STK11IP: variants seen among roughly 807,000 people sequenced by gnomAD.
The protein encoded by STK11IP is serine/threonine-protein kinase 11-interacting protein.
In STK11IP, 103 loss-of-function variants were observed where a neutral mutation model predicts 131.7. That is an observed-to-expected ratio of 0.78 (90% CI 0.67 to 0.92). The LOEUF is 0.92. STK11IP is among the 40% of genes least tolerant of loss of function. The pLI, the probability that STK11IP is intolerant of heterozygous loss-of-function variation, is 0.00. For synonymous variants in STK11IP, 557 were observed against 575.6 expected (o/e 0.97, Z 0.46); for missense variants, 1,315 against 1,385.7 (o/e 0.95, Z 0.81).
chr2:219,604,932 C>T (rs561478518), intron 7 of STK11IP, among the ~76,000 whole-genome samples: 5 of 152,102 alleles, frequency 3.3e-5, no homozygotes, highest in South Asian at 2.1e-4. Context: ...CGGGTTCAAG[C>T]GATTCTCCTG....
intron 7 of STK11IP, among the ~76,000 whole-genome samples, chr2:219,605,129 C>T (rs571162536): frequency 3.0e-4 from 45 of 152,252 alleles, no homozygotes; most frequent in African/African-American, 9.6e-4. Context: ...TGCACCTGGC[C>T]GGCTGGGCAT....
chr2:219,600,778 T>A (rs1384586329), intron 2 of STK11IP, among the ~76,000 whole-genome samples: 1 of 152,252 alleles, frequency 6.6e-6, no homozygotes, highest in African/African-American at 2.4e-5. Context: ...AAGATAAAAC[T>A]TCCAATTAAC....
intron 8 of STK11IP, 71 bp from the exon 9 acceptor site, chr2:219,605,885 C>A: frequency 6.8e-7 from 1 of 1,468,224 alleles, no homozygotes; most frequent in Non-Finnish European, 9.3e-7. Context: ...CAACCTCCCC[C>A]AGTGCATGCA....
In STK11IP at chr2:219,607,161, C is replaced by A; in HGVS notation, c.1219+24C>A. On this transcript the variant is annotated intron_variant, in intron 13 of 24. Transcript: ENST00000456909. ...TGGTAAGTCAGCTTCATCCCACTAA[C>A]CTCTCTCGTCCCCAGCGAGCTCACT... The A allele has an allele frequency of 1.2e-6, 2 of 1,607,054 alleles. 1 individual carries two copies.
rs768773712 is a variant in STK11IP at position 219,611,628 on chromosome 2, G to A, written c.2129G>A (p.Cys710Tyr). The A allele has an allele frequency of 1.5e-5, 25 of 1,613,062 alleles. No individual in the cohort carries two copies. The highest frequency in any genetic ancestry group is 1.8e-5 in the Non-Finnish European group (21 of 1,179,856). Residue 710 changes from cysteine to tyrosine, a missense_variant, in exon 18 of 25, where the codon TGT becomes TAT. Transcript: ENST00000456909. ...KTESPAVCPN[C>Y]GSDHVVLLAV... ...GAATCTCCTGCTGTGTGTCCTAACT[G>A]TGGTAGTGACCACGTGGTTCTCCTC...
At position 219,608,341 on chromosome 2, in the gene STK11IP, A is replaced by G. The variant is rs1486145344; in HGVS notation, c.1514A>G (p.Glu505Gly). ...GAGGAAGAGGAGAAGGAGGGGAAGG[A>G]GGAGAAGGAGGAGGGGGAGATGGTG... ...QEEEEEKEGK[E>G]EKEEGEMVEQ... is the part of the protein sequence containing the mutation. The change falls in exon 14 of 25, where the codon GAG (glutamate) becomes GGG (glycine). Residue 505 changes from glutamate (E) to glycine (G), a missense_variant. Physicochemically the swap from Glu to Gly is moderately conservative, Grantham distance 98. Transcript: ENST00000456909. 1 of 1,588,670 alleles carries G rather than the reference A, an allele frequency of 6.3e-7. No individual in the cohort carries two copies. Among genetic ancestry groups the G allele is most frequent in the Admixed American group, 1.8e-5 (1 of 54,986 alleles).
At position 219,606,510 on chromosome 2, in the gene STK11IP, A is replaced by T. The variant is rs753653927; in HGVS notation, c.980A>T (p.Asp327Val). ...GATGGCAAGGTCTTGTCACTGACAG[A>T]TTTTCAGGTCGGTGTGGTTGGGGGG... Reference protein sequence around the residue: ...LLDGKVLSLTDFQTHTSLGLS... With the variant: ...LLDGKVLSLTVFQTHTSLGLS... The change falls in exon 11 of 25, where the codon GAT becomes GTT. Residue 327 changes from aspartate (D) to valine (V), a missense_variant. By Grantham distance (152) the Asp-to-Val change is radical (BLOSUM62 -3). Transcript: ENST00000456909. 6.2e-7 allele frequency: 1 copy of T among 1,612,560 alleles called. No individual in the cohort carries two copies. Among genetic ancestry groups the T allele is most frequent in the South Asian group, 1.1e-5 (1 of 90,800 alleles).
At position 219,602,687 on chromosome 2, in the gene STK11IP, C is replaced by T; in HGVS notation, c.547-18C>T. ...TGTAGTGAACATCGATTCTCTGCCT[C>T]CTCCCCGTCTCTCTCAGCGCCTCTT... On this transcript the variant is annotated intron_variant, in intron 6 of 24. Coordinates refer to ENST00000456909, the MANE Select transcript of STK11IP (RefSeq NM_052902.4). 5 of 1,613,586 alleles carry T rather than the reference C, an allele frequency of 3.1e-6. No homozygotes were observed. Among genetic ancestry groups the T allele is most frequent in the Non-Finnish European group, 4.2e-6 (5 of 1,179,674 alleles).
chr2:219,609,293 C>T (rs568787428), intron 16 of STK11IP, 70 bp from the exon 17 acceptor site: 39 of 1,582,564 alleles, frequency 2.5e-5, no homozygotes, highest in East Asian at 1.1e-4. Context: ...GCCTGAGGGC[C>T]GGGGGCCTGT....
intron 19 of STK11IP, 147 bp from the exon 20 acceptor site, chr2:219,612,981 G>A: frequency 4.8e-6 from 3 of 626,774 alleles, no homozygotes; most frequent in East Asian, 2.8e-5. Flanking sequence ...TGAAGAGGCT[G>A]TCGAGTGTGA....
Position 219,613,931 on chromosome 2 carries a change from G to T in STK11IP, c.2716+1G>T, listed in dbSNP as rs769882473. On this transcript the variant is annotated splice_donor_variant, in intron 21 of 24. Transcript: ENST00000456909. LOFTEE classifies it high-confidence loss of function. ...CGGGCCTTCCTAGAGGAGCTCCTTG[G>T]TGAGAGAGGGGAGGGGAAGGCAGGA... The T allele has an allele frequency of 1.4e-5, 21 of 1,548,782 alleles. No individual in the cohort carries two copies. The highest frequency in any genetic ancestry group is 1.8e-5 in the Non-Finnish European group (20 of 1,140,282).
At position 219,613,228 on chromosome 2, in the gene STK11IP, G is replaced by C. The variant is rs754032735; in HGVS notation, c.2537+3G>C. On this transcript the variant is annotated splice_donor_region_variant and intron_variant, in intron 20 of 24. Coordinates refer to ENST00000456909, the MANE Select transcript of STK11IP (RefSeq NM_052902.4). ...TTGAAGGTGACTGGGGAGATGCGGT[G>C]AGTGAGAGGGGAGATGCAGTGAGTA... 6.4e-7 allele frequency: 1 copy of C among 1,554,330 alleles called. No individual in the cohort carries two copies. The highest frequency in any genetic ancestry group is 1.1e-5 in the South Asian group (1 of 89,964).
Position 219,609,356 on chromosome 2 carries a change from C to CT in STK11IP, c.1927-6dup. 6.2e-7 allele frequency: 1 copy of CT among 1,613,216 alleles called. No individual in the cohort carries two copies. The highest frequency in any genetic ancestry group is 1.3e-5 in the African/African-American group (1 of 75,056). On this transcript the variant is annotated splice_polypyrimidine_tract_variant and splice_region_variant and intron_variant, in intron 16 of 24. Transcript: ENST00000456909. The stretch of plus-strand genomic sequence containing the variant: ...CTCACAGCTGCCTCTGATCCACCCT[C>CT]TGTCAGGAGCTGCTTGCCGTGTTGA...
chr2:219,615,287 C>G lies in STK11IP; in HGVS notation c.3063C>G (p.Ser1021=). The G allele has an allele frequency of 6.2e-7, 1 of 1,601,812 alleles. No individual in the cohort carries two copies. The highest frequency in any genetic ancestry group is 8.5e-7 in the Non-Finnish European group (1 of 1,179,100). Residue 1021 remains serine, a synonymous_variant, in exon 24 of 25, where the codon TCC becomes TCG. Coordinates refer to ENST00000456909, the MANE Select transcript of STK11IP (RefSeq NM_052902.4). ...REQQPLSSLS[S]VLLYRSAPED... ...AGCAGCCACTCAGCAGCCTGAGCTCCGTGCTGCTCTACCGCTCAGCCCCTG... is the reference window on the plus strand; with the variant it reads ...AGCAGCCACTCAGCAGCCTGAGCTCGGTGCTGCTCTACCGCTCAGCCCCTG...
Position 219,605,957 on chromosome 2 carries a change from C to A in STK11IP, c.747C>A (p.Gly249=). Residue 249 remains glycine (G), a splice_region_variant and synonymous_variant, in exon 9 of 25, where the codon GGC becomes GGA. Coordinates refer to ENST00000456909, the MANE Select transcript of STK11IP (RefSeq NM_052902.4). ...CCTTCCTTCTTGCGTCCACCCCAGG[C>A]CTAGAGCAGCTGAGGAATCTGCGGC... is the stretch of plus-strand genomic sequence containing the variant. The part of the protein sequence containing the change: ...LRGNELRSLH[G]LEQLRNLRHL... 6.2e-7 allele frequency: 1 copy of A among 1,600,456 alleles called. No individual in the cohort carries two copies. The highest frequency in any genetic ancestry group is 8.5e-7 in the Non-Finnish European group (1 of 1,173,504).
chr2:219,599,232 G>A (rs1466595191), intron 2 of STK11IP, among the ~76,000 whole-genome samples: 3 of 152,162 alleles, frequency 2.0e-5, no homozygotes, highest in East Asian at 1.9e-4. Flanking sequence ...GGGACTACAG[G>A]TGTGCACCAC....
At chr2:219,603,818 C>A (rs778335535) in intron 7 of STK11IP, among the ~76,000 whole-genome samples, 1 of 152,092 alleles carries the variant, frequency 6.6e-6, no homozygotes, top group Non-Finnish European at 1.5e-5. Flanking sequence ...CCGTGCCCGA[C>A]CAAGTAAGGA....
Position 219,602,693 on chromosome 2 carries a change from CGT to C in STK11IP, c.547-11_547-10del. On this transcript the variant is annotated splice_polypyrimidine_tract_variant and intron_variant, in intron 6 of 24. Transcript: ENST00000456909. ...GAACATCGATTCTCTGCCTCCTCCC[CGT>C]CTCTCTCAGCGCCTCTTGTCAGCTC... The C allele has an allele frequency of 6.2e-7, 1 of 1,613,544 alleles. No homozygotes were observed. Among genetic ancestry groups the C allele is most frequent in the Non-Finnish European group, 8.5e-7 (1 of 1,179,690 alleles).
chr2:219,599,971 C>T (rs185873900), intron 2 of STK11IP, among the ~76,000 whole-genome samples: 3 of 150,416 alleles, frequency 2.0e-5, no homozygotes, highest in East Asian at 2.0e-4. Context: ...CTCCGGACCT[C>T]GTGATCCACC....
Sources: gnomAD v4.1 joint callset for allele counts (sites outside exome capture counted in the v4.1 genomes callset) on GRCh38, gnomAD v4.1.1 for gene constraint, MANE v1.5 for transcripts, NCBI Gene and HGNC (gene_info 2026-07-23, HGNC 2026-07-21) for gene names.